RPL4: variants seen among roughly 807,000 people sequenced by gnomAD.
RPL4 encodes ribosomal protein L4, also known as large ribosomal subunit protein uL4.
In RPL4, 3 loss-of-function variants were observed where a neutral mutation model predicts 47.7. The observed-to-expected ratio is 0.06, with a 90% confidence interval of 0.03 to 0.16. RPL4 has a LOEUF of 0.16. RPL4 is among the 10% of genes least tolerant of loss of function. The pLI, the probability that RPL4 is intolerant of heterozygous loss-of-function variation, is 1.00. For missense variants in RPL4, 413 were observed against 551.3 expected, an observed-to-expected ratio of 0.75 and a Z score of 2.51; for synonymous variants, 208 against 182.1, an observed-to-expected ratio of 1.14 and a Z score of -1.15.
At chr15:66,501,313 T>C in intron 6 of RPL4, 62 bp downstream of exon 6, 4 of 1,610,082 alleles carry the variant, frequency 2.5e-6, no homozygotes, top group Non-Finnish European at 3.4e-6. Flanking sequence ...AATCTCATCA[T>C]AACAAAAGCT....
chr15:66,503,430 C>G lies in RPL4; in HGVS notation c.103G>C (p.Asp35His). The change falls in exon 2 of 10, where the codon GAT becomes CAT. Residue 35 changes from aspartate (D) to histidine (H), a missense_variant. Asp to His is a moderately conservative substitution (Grantham distance 81). Around this residue, in one of 4 missense-constraint regions of RPL4, gnomAD observed 56 missense variants for 70.6 expected, o/e 0.79. Coordinates refer to ENST00000307961, the MANE Select transcript of RPL4 (RefSeq NM_000968.4). Reference protein sequence around the residue: ...PAVFKAPIRPDIVNFVHTNLR... With the variant: ...PAVFKAPIRPHIVNFVHTNLR... ...TTGGTGTGAACAAAGTTCACAATAT[C>G]TGGTCGAATAGGAGCCTTGAATACA... The G allele has an allele frequency of 6.2e-7, 1 of 1,612,852 alleles. No homozygotes were observed. Among genetic ancestry groups the G allele is most frequent in the Non-Finnish European group, 8.5e-7 (1 of 1,179,012 alleles).
chr15:66,504,762 G>C (rs756833810), intron 1 of RPL4, 26 bp downstream of exon 1: 15 of 1,611,554 alleles, frequency 9.3e-6, no homozygotes, highest in Non-Finnish European at 1.3e-5. Flanking sequence ...TACGGGGTAA[G>C]GCCAGCCAAG....
Position 66,499,144 on chromosome 15 carries a change from T to C in RPL4, c.*263A>G. The C allele has an allele frequency of 5.3e-6, 2 of 378,574 alleles. No individual in the cohort carries two copies. The highest frequency in any genetic ancestry group is 7.6e-5 in the South Asian group (2 of 26,454). 23.5% of individuals were successfully genotyped at this position (378,574 alleles called of 1,614,324 possible). A position where few individuals can be genotyped will look rare whatever the true frequency, so the allele number is the denominator to read the frequency against. ...CACCTATTTTTCAAGCCACATTATTTAGAAAACCACAACTTTTTTTAAATC... is the reference window on the plus strand; with the variant it reads ...CACCTATTTTTCAAGCCACATTATTCAGAAAACCACAACTTTTTTTAAATC... On this transcript the variant is annotated 3_prime_UTR_variant, in exon 10 of 10. Coordinates refer to ENST00000307961, the MANE Select transcript of RPL4 (RefSeq NM_000968.4).
Position 66,498,654 on chromosome 15 carries a change from T to C in RPL4, c.*753A>G, listed in dbSNP as rs563884306. Reference sequence around the variant, plus strand: ...CTCTGACGCCCAGGCTGGAGGGCAATGGTACAATCTTGGCTCATTGCAACC... The same window carrying C: ...CTCTGACGCCCAGGCTGGAGGGCAACGGTACAATCTTGGCTCATTGCAACC... On this transcript the variant is annotated 3_prime_UTR_variant, in exon 10 of 10. Transcript: ENST00000307961. 2.0e-5 allele frequency: 3 copies of C among 152,408 alleles called. No homozygotes were observed. The highest frequency in any genetic ancestry group is 2.0e-4 in the Admixed American group (3 of 15,294). 9.4% of individuals were successfully genotyped at this position (152,408 alleles called of 1,614,324 possible).
In RPL4 at chr15:66,500,382, A is replaced by T. The variant is rs755096673; in HGVS notation, c.834-6T>A. On this transcript the variant is annotated splice_region_variant and splice_polypyrimidine_tract_variant and intron_variant, in intron 7 of 9. Coordinates refer to ENST00000307961, the MANE Select transcript of RPL4 (RefSeq NM_000968.4). The stretch of plus-strand genomic sequence containing the variant: ...TCATCTTGTGCATGGGAAGACTGAA[A>T]GGGAAAAGATTGACATGTACATGTA... 1.2e-6 allele frequency: 2 copies of T among 1,612,734 alleles called. No individual in the cohort carries two copies. Among genetic ancestry groups the T allele is most frequent in the East Asian group, 2.2e-5 (1 of 44,880 alleles).
At chr15:66,502,488 A>T in intron 4 of RPL4, 124 bp downstream of exon 4, 4 of 1,037,590 alleles carry the variant, frequency 3.9e-6, no homozygotes, top group Non-Finnish European at 4.1e-6. Context: ...TATGCTAAAA[A>T]CATTCAAATT....
rs1567033546 is a variant in RPL4 at position 66,499,418 on chromosome 15, G to C, written c.1273C>G (p.Pro425Ala). The C allele has an allele frequency of 6.2e-7, 1 of 1,606,612 alleles. No homozygotes were observed. Among genetic ancestry groups the C allele is most frequent in the Non-Finnish European group, 8.5e-7 (1 of 1,178,614 alleles). The change falls in exon 10 of 10, where the codon CCT becomes GCT. Residue 425 changes from proline (P) to alanine (A), a missense_variant. Coordinates refer to ENST00000307961, the MANE Select transcript of RPL4 (RefSeq NM_000968.4). ...EKKPTTEEKKPAA is the reference protein window; with the variant it reads ...EKKPTTEEKKAAA The stretch of plus-strand genomic sequence containing the variant: ...TCAAATTTAAGAGTTTATGCAGCAG[G>C]CTTCTTCTCCTCTGTAGTAGGTTTC...
At chr15:66,503,324 C>T in intron 2 of RPL4, 34 bp downstream of exon 2, 1 of 1,610,570 alleles carries the variant, frequency 6.2e-7, no homozygotes, top group Non-Finnish European at 8.5e-7. Flanking sequence ...GTAAAGCAGT[C>T]CCTAAAATAT....
intron 6 of RPL4, 120 bp downstream of exon 6, chr15:66,501,255 C>T (rs1218735025): frequency 6.4e-7 from 1 of 1,568,066 alleles, no homozygotes; most frequent in Non-Finnish European, 8.8e-7. Flanking sequence ...AGCCATAAAT[C>T]AGAACTTCCA....
intron 1 of RPL4, among the ~76,000 whole-genome samples, 189 bp from the exon 2 acceptor site, chr15:66,503,718 A>G (rs1893678920): frequency 6.6e-5 from 10 of 152,056 alleles, no homozygotes; most frequent in Admixed American, 6.5e-4. Flanking sequence ...GCACAATTTT[A>G]TTTTCAAAAA....
intron 2 of RPL4, 21 bp from the exon 3 acceptor site, chr15:66,503,185 A>C (rs753072905): frequency 6.2e-7 from 1 of 1,610,426 alleles, no homozygotes; most frequent in East Asian, 2.2e-5. Context: ...GAAGAGATAA[A>C]AGTTGTAGCT....
At chr15:66,503,769 G>C (rs1893680845) in intron 1 of RPL4, among the ~76,000 whole-genome samples, 1 of 152,118 alleles carries the variant, frequency 6.6e-6, no homozygotes, top group Non-Finnish European at 1.5e-5. Context: ...GCCTTATAAA[G>C]CACAATAGCT....
intron 1 of RPL4, among the ~76,000 whole-genome samples, chr15:66,504,003 A>C (rs74022019): frequency 1.6e-4 from 24 of 152,250 alleles, no homozygotes; most frequent in African/African-American, 5.3e-4. Flanking sequence ...GAAAATCCTG[A>C]GGCTGACCTA....
Position 66,503,377 on chromosome 15 carries a change from A to G in RPL4, c.156T>C (p.Tyr52=), listed in dbSNP as rs2140718145. Residue 52 remains tyrosine, a synonymous_variant, in exon 2 of 10, where the codon TAT becomes TAC. Coordinates refer to ENST00000307961, the MANE Select transcript of RPL4 (RefSeq NM_000968.4). ...CCATACCTGCTAATTCACTGACAGCATAGGGCTGTCTGTTGTTTTTGCGCA... is the reference window on the plus strand; with the variant it reads ...CCATACCTGCTAATTCACTGACAGCGTAGGGCTGTCTGTTGTTTTTGCGCA... ...TNLRKNNRQP[Y]AVSELAGHQT... The G allele has an allele frequency of 6.2e-7, 1 of 1,610,592 alleles. No homozygotes were observed. Among genetic ancestry groups the G allele is most frequent in the South Asian group, 1.1e-5 (1 of 91,028 alleles).
intron 4 of RPL4, chr15:66,502,339 A>T: frequency 4.7e-6 from 2 of 429,478 alleles, no homozygotes; most frequent in Middle Eastern, 6.4e-4. Flanking sequence ...ATTTTGTATC[A>T]CTGATACGAA....
At chr15:66,499,677 G>A (rs774267744) in intron 9 of RPL4, 25 bp from the exon 10 acceptor site, 44 of 1,612,292 alleles carry the variant, frequency 2.7e-5, no homozygotes, top group Non-Finnish European at 2.6e-5. Flanking sequence ...GCAGAAAACA[G>A]TAAGAATCAA....
intron 4 of RPL4, 174 bp from the exon 5 acceptor site, chr15:66,502,086 T>C (rs750145727): frequency 2.2e-6 from 2 of 895,646 alleles, no homozygotes; most frequent in East Asian, 2.5e-5. Flanking sequence ...AATCTCATCA[T>C]TTTGACAGTT....
rs534831618 is a variant in RPL4 at position 66,504,667 on chromosome 15, C to T, written c.3+121G>A. On this transcript the variant is annotated intron_variant, in intron 1 of 9. Coordinates refer to ENST00000307961, the MANE Select transcript of RPL4 (RefSeq NM_000968.4). Reference sequence around the variant, plus strand: ...CCAGTTCCACACCAGAAAAAGACGCCTTTGGTCCTCATCTCCCTCTCCTCG... The same window carrying T: ...CCAGTTCCACACCAGAAAAAGACGCTTTTGGTCCTCATCTCCCTCTCCTCG... 325 of 1,445,768 alleles carry T rather than the reference C, an allele frequency of 2.2e-4. 2 individuals carry two copies. In the South Asian group the frequency reaches 3.4e-3, roughly 15 times the overall value. The allele number at this position is 1,445,768 out of a possible 1,614,324, so 89.6% of individuals were successfully genotyped here.
At chr15:66,500,264 C>T (rs754677408) in intron 8 of RPL4, 29 bp downstream of exon 8, 67 of 1,613,554 alleles carry the variant, frequency 4.2e-5, no homozygotes, top group Non-Finnish European at 5.0e-5. Context: ...AGGGTTGGGG[C>T]GAGAATTACA....
Sources: gnomAD v4.1 joint callset for allele counts (sites outside exome capture counted in the v4.1 genomes callset) on GRCh38, gnomAD v4.1.1 for gene constraint, gnomAD v4.1.1 regional missense constraint, MANE v1.5 for transcripts, NCBI Gene and HGNC (gene_info 2026-07-23, HGNC 2026-07-21) for gene names.